RNF2: variants seen among roughly 807,000 people sequenced by gnomAD.
RNF2 encodes E3 ubiquitin-protein ligase RING2.
In RNF2, 6 loss-of-function variants were observed where a neutral mutation model predicts 37.2. The observed-to-expected ratio is 0.16, with a 90% CI of 0.09 to 0.32. The LOEUF (loss-of-function observed/expected upper bound fraction) is 0.32, where lower values mean the gene tolerates loss of function less well. Among genes scored for constraint, RNF2 ranks in the 10% least tolerant of loss-of-function variants. The probability of loss-of-function intolerance (pLI) is 1.00; values close to 1 mark genes in which losing one functional copy is unlikely to be tolerated. For synonymous variants in RNF2, 133 were observed against 132.7 expected (o/e 1.00, Z -0.02); for missense variants, 251 against 404.0 (o/e 0.62, Z 3.25).
In RNF2 at chr1:185,081,389, C is replaced by T. The variant is rs141491939; in HGVS notation, c.-2-6163C>T. ...GGTGAGGCAAAACTGTAGCCTAATT[C>T]CATCAATTTTTTTTTTTTTTTGAGG... On this transcript the variant is annotated intron_variant, in intron 1 of 6. Coordinates refer to ENST00000367510, the MANE Select transcript of RNF2 (RefSeq NM_007212.4). Among the ~76,000 whole-genome samples the T allele has an allele frequency of 5.9e-3, 764 of 129,584 alleles. 2 individuals carry two copies. The highest frequency in any genetic ancestry group is 9.1e-3 in the Non-Finnish European group (529 of 57,934). 85.0% of individuals were successfully genotyped at this position (129,584 alleles called of 152,430 possible).
At chr1:185,099,658 A>C (rs527876122) in intron 5 of RNF2, 133 bp from the exon 6 acceptor site, 1 of 727,160 alleles carries the variant, frequency 1.4e-6, no homozygotes, top group Non-Finnish European at 2.3e-6. Flanking sequence ...TAAATTTCTG[A>C]TATTATTTTG....
chr1:185,054,810 A>C (rs746280644), intron 1 of RNF2, among the ~76,000 whole-genome samples: 6 of 152,084 alleles, frequency 3.9e-5, no homozygotes, highest in Non-Finnish European at 8.8e-5. Flanking sequence ...CGATCTTGCC[A>C]CCTCAGTTTC....
At chr1:185,058,899 T>A (rs890396295) in intron 1 of RNF2, among the ~76,000 whole-genome samples, 1 of 152,204 alleles carries the variant, frequency 6.6e-6, no homozygotes, top group Non-Finnish European at 1.5e-5. Context: ...TTGGTTAAAG[T>A]CATGTTGATT....
intron 2 of RNF2, among the ~76,000 whole-genome samples, 171 bp downstream of exon 2, chr1:185,087,811 ATACTC>A (rs1465345799): frequency 3.9e-5 from 6 of 152,362 alleles, no homozygotes; most frequent in African/African-American, 1.4e-4. Flanking sequence ...AATAATCTGA[ATACTC>A]TATACAAGCT....
intron 4 of RNF2, among the ~76,000 whole-genome samples, chr1:185,094,923 C>G (rs979090495): frequency 1.3e-5 from 2 of 152,196 alleles, no homozygotes; most frequent in Non-Finnish European, 2.9e-5. Flanking sequence ...CAGACTCACT[C>G]AGAAAACTTT....
chr1:185,069,048 C>G (rs185369439), intron 1 of RNF2, among the ~76,000 whole-genome samples: 8 of 152,310 alleles, frequency 5.3e-5, no homozygotes, highest in African/African-American at 7.2e-5. Context: ...TCCCTCATAA[C>G]TACTCTGGTA....
intron 1 of RNF2, among the ~76,000 whole-genome samples, chr1:185,076,367 T>C (rs1651164969): frequency 7.2e-6 from 1 of 139,128 alleles, no homozygotes. Context: ...CTTGGCTCAC[T>C]GCAACCTCCG....
chr1:185,082,220 T>A (rs1041234945), intron 1 of RNF2, among the ~76,000 whole-genome samples: 2 of 152,176 alleles, frequency 1.3e-5, no homozygotes, highest in African/African-American at 4.8e-5. Flanking sequence ...ATTGAGTTAT[T>A]TGGTAACTTC....
intron 1 of RNF2, among the ~76,000 whole-genome samples, chr1:185,076,276 T>TTTTTTG (rs1557967420): frequency 3.2e-4 from 11 of 33,998 alleles, no homozygotes; most frequent in African/African-American, 1.3e-3. Flanking sequence ...TTGTTTTTTT[T>TTTTTTG]TTTTTTTTTT....
rs116295454 is a variant in RNF2, at chr1:185,101,235, A to G, written c.*934A>G. On this transcript the variant is annotated 3_prime_UTR_variant, in exon 7 of 7. Transcript: ENST00000367510. ...TAATTTTTTTCTTATTTGTAGCCAC[A>G]TAAGTTTCAAGAATAACATGGCACA... The G allele has an allele frequency of 2.6e-3, 393 of 152,706 alleles. 4 individuals are homozygous for G. Among genetic ancestry groups the G allele is most frequent in the African/African-American group, 9.0e-3 (375 of 41,592 alleles). The allele number at this position is 152,706 out of a possible 1,614,324, so 9.5% of individuals were successfully genotyped here. A position where few individuals can be genotyped will look rare whatever the true frequency, so the allele number is the denominator to read the frequency against.
intron 1 of RNF2, among the ~76,000 whole-genome samples, chr1:185,059,104 T>A (rs1471687066): frequency 6.6e-6 from 1 of 152,178 alleles, no homozygotes; most frequent in Non-Finnish European, 1.5e-5. Context: ...AGCTTTTTTG[T>A]TGCAAGTTGC....
intron 2 of RNF2, among the ~76,000 whole-genome samples, chr1:185,089,699 G>C (rs1651710787): frequency 6.6e-6 from 1 of 152,074 alleles, no homozygotes; most frequent in Non-Finnish European, 1.5e-5. Context: ...AAAAACTGGA[G>C]ACCAATGTGA....
At chr1:185,061,620 T>C (rs1244463576) in intron 1 of RNF2, among the ~76,000 whole-genome samples, 7 of 152,198 alleles carry the variant, frequency 4.6e-5, no homozygotes, top group Admixed American at 1.3e-4. Flanking sequence ...GCAGGAATCA[T>C]TAGCTATGAC....
At chr1:185,074,468 AT>A (rs1361970093) in intron 1 of RNF2, among the ~76,000 whole-genome samples, 1 of 152,128 alleles carries the variant, frequency 6.6e-6, no homozygotes, top group Non-Finnish European at 1.5e-5. Context: ...TAGAGTAACC[AT>A]ATTAGCATAA....
chr1:185,082,345 CTTTTTTTTT>C (rs3036553), intron 1 of RNF2, among the ~76,000 whole-genome samples: 35 of 72,000 alleles, frequency 4.9e-4, no homozygotes, highest in African/African-American at 9.6e-4. Flanking sequence ...CTCTGCAGAA[CTTTTTTTTT>C]TTTTTTTTTT....
Position 185,077,625 on chromosome 1 carries a change from G to GTTTTTTTTTTTTTTTTTT in RNF2, c.-2-9914_-2-9913insTTTTTTTTTTTTTTTTTT, listed in dbSNP as rs528747420. On this transcript the variant is annotated intron_variant, in intron 1 of 6. Coordinates refer to ENST00000367510, the MANE Select transcript of RNF2 (RefSeq NM_007212.4). ...TTTTTAATTGTTAGGAATTAACTTT[G>GTTTTTTTTTTTTTTTTTT]TTTTTTTTTTTTTGGCTAGAAATTT... Among the ~76,000 whole-genome samples, 67 of 115,658 alleles carry GTTTTTTTTTTTTTTTTTT rather than the reference G, an allele frequency of 5.8e-4. 2 individuals are homozygous for GTTTTTTTTTTTTTTTTTT. Among genetic ancestry groups the GTTTTTTTTTTTTTTTTTT allele is most frequent in the African/African-American group, 2.0e-3 (62 of 30,474 alleles). 75.9% of individuals were successfully genotyped at this position (115,658 alleles called of 152,430 possible). A position where few individuals can be genotyped will look rare whatever the true frequency, so the allele number is the denominator to read the frequency against.
At chr1:185,053,336 TTTTC>T (rs986040948) in intron 1 of RNF2, among the ~76,000 whole-genome samples, 1 of 151,532 alleles carries the variant, frequency 6.6e-6, no homozygotes, top group African/African-American at 2.4e-5. Context: ...CTTTTTTTCT[TTTTC>T]TTTTTTTTTT....
At chr1:185,077,090 A>T (rs1315872353) in intron 1 of RNF2, among the ~76,000 whole-genome samples, 1 of 152,156 alleles carries the variant, frequency 6.6e-6, no homozygotes, top group African/African-American at 2.4e-5. Context: ...CTTTTAAAAA[A>T]TTTATTTCTG....
intron 1 of RNF2, among the ~76,000 whole-genome samples, chr1:185,069,473 A>G (rs976548030): frequency 2.0e-5 from 3 of 151,414 alleles, no homozygotes; most frequent in African/African-American, 2.4e-5. Context: ...AAAAAAAAAA[A>G]AAGAAATGCA....
Sources: gnomAD v4.1 joint callset for allele counts (sites outside exome capture counted in the v4.1 genomes callset) on GRCh38, gnomAD v4.1.1 for gene constraint, MANE v1.5 for transcripts, NCBI Gene and HGNC (gene_info 2026-07-23, HGNC 2026-07-21) for gene names.